GALNT13: variants seen among roughly 807,000 people sequenced by gnomAD.
The protein encoded by GALNT13 is polypeptide N-acetylgalactosaminyltransferase 13, also known as UDP-GalNAc:polypeptide N-acetylgalactosaminyltransferase 13.
Under a neutral mutation model 64.2 loss-of-function variants are expected in GALNT13, and 28 were observed. That is an observed-to-expected ratio of 0.44 (90% CI 0.32 to 0.60). GALNT13 has a LOEUF of 0.60. GALNT13 is among the 20% of genes least tolerant of loss of function. The pLI, the probability that GALNT13 is intolerant of heterozygous loss-of-function variation, is 0.05. For synonymous variants in GALNT13, 214 were observed against 224.6 expected, an observed-to-expected ratio of 0.95 and a Z score of 0.42; for missense variants, 577 against 669.8, an observed-to-expected ratio of 0.86 and a Z score of 1.53.
chr2:153,552,877 A>G, the GALNT13 span, among the ~76,000 whole-genome samples: 2 of 151,946 alleles, frequency 1.3e-5, no homozygotes, highest in Non-Finnish European at 2.9e-5. Flanking sequence ...ACAGTTCACA[A>G]CAGGGTTCCC....
intron 3 of GALNT13, among the ~76,000 whole-genome samples, chr2:154,052,814 G>A (rs921160164): frequency 1.4e-5 from 2 of 146,950 alleles, no homozygotes; most frequent in Non-Finnish European, 3.0e-5. Context: ...TTGGCTCACT[G>A]CAAGCTCCGC....
chr2:153,464,100 T>A, the GALNT13 span, among the ~76,000 whole-genome samples: 1 of 152,042 alleles, frequency 6.6e-6, no homozygotes, highest in Non-Finnish European at 1.5e-5. Context: ...TGAAGATCAA[T>A]CAGATCCCAT....
the GALNT13 span, among the ~76,000 whole-genome samples, chr2:153,095,671 A>C: frequency 1.3e-5 from 2 of 152,192 alleles, no homozygotes; most frequent in Non-Finnish European, 2.9e-5. Context: ...GATTAAGAAA[A>C]TGTGGCACAT....
At chr2:153,681,890 C>T in the GALNT13 span, among the ~76,000 whole-genome samples, 18,930 of 151,642 alleles carry the variant, frequency 0.12, 1,662 homozygotes, top group Admixed American at 0.3. Flanking sequence ...TACAGAAATA[C>T]GCACAAGAAA....
At chr2:153,801,528 A>G in the GALNT13 span, among the ~76,000 whole-genome samples, 2 of 152,260 alleles carry the variant, frequency 1.3e-5, no homozygotes, top group African/African-American at 4.8e-5. Context: ...AGAAGTCAGA[A>G]CACACACACA....
the GALNT13 span, among the ~76,000 whole-genome samples, chr2:153,305,184 G>A: frequency 6.7e-6 from 1 of 150,246 alleles, no homozygotes; most frequent in Middle Eastern, 3.2e-3. Context: ...GTGTCCTGTG[G>A]GTTTGCTGAC....
Position 154,092,075 on chromosome 2 carries a change from GAAAA to G in GALNT13, c.143-48239_143-48236del, listed in dbSNP as rs58406719. 4.7e-3 allele frequency among the ~76,000 whole-genome samples: 351 copies of G among 74,514 alleles called. 3 individuals are homozygous for G. The highest frequency in any genetic ancestry group is 0.017 in the African/African-American group (332 of 19,464). The allele number at this position is 74,514 out of a possible 152,430, so 48.9% of individuals were successfully genotyped here. ...AGAGGCATTTCATGCTTCATGTCTG[GAAAA>G]AAAAAAAAAAAAAAAAAAAAAAGCT... On this transcript the variant is annotated intron_variant, in intron 3 of 12. Coordinates refer to ENST00000392825, the MANE Select transcript of GALNT13 (RefSeq NM_052917.4).
At chr2:153,778,800 A>G in the GALNT13 span, among the ~76,000 whole-genome samples, 1 of 152,228 alleles carries the variant, frequency 6.6e-6, no homozygotes, top group Non-Finnish European at 1.5e-5. Flanking sequence ...TATATTGTGT[A>G]TTAGTAAAGC....
In GALNT13 at chr2:154,301,395, G is replaced by A. The variant is rs767817695; in HGVS notation, c.976-14G>A. 1.4e-5 allele frequency: 22 copies of A among 1,605,472 alleles called. 2 individuals carry two copies. The South Asian group carries it at 1.9e-4, about 14-fold the overall frequency. ...TATTATTGCATTATTTACAATGATT[G>A]TTCCTTTTCCCAGATTTGGCAATGT... On this transcript the variant is annotated splice_polypyrimidine_tract_variant and intron_variant, in intron 8 of 12. Transcript: ENST00000392825.
At chr2:154,212,916 C>T (rs968438667) in intron 4 of GALNT13, among the ~76,000 whole-genome samples, 11 of 151,356 alleles carry the variant, frequency 7.3e-5, no homozygotes, top group Non-Finnish European at 1.2e-4. Context: ...AGAATAGGAT[C>T]GATCTCAAAG....
the GALNT13 span, among the ~76,000 whole-genome samples, chr2:153,637,536 C>T: frequency 6.6e-6 from 1 of 152,052 alleles, no homozygotes; most frequent in Non-Finnish European, 1.5e-5. Context: ...TACTTCTTAT[C>T]AGGCTTGTTT....
chr2:154,166,918 A>G lies in GALNT13; in HGVS notation c.311+26413A>G, dbSNP rs559123337. Among the ~76,000 whole-genome samples the G allele has an allele frequency of 6.0e-5, 9 of 150,656 alleles. No individual in the cohort carries two copies. The East Asian group carries it at 1.8e-3, about 30-fold the overall frequency. The stretch of plus-strand genomic sequence containing the variant: ...CGCATGTTCTCACTCATAGGTGGGA[A>G]TTGAACAATGAGAACACATGGACAC... On this transcript the variant is annotated intron_variant, in intron 4 of 12. Coordinates refer to ENST00000392825, the MANE Select transcript of GALNT13 (RefSeq NM_052917.4).
At chr2:154,110,382 G>C (rs868356183) in intron 3 of GALNT13, among the ~76,000 whole-genome samples, 22 of 133,100 alleles carry the variant, frequency 1.7e-4, no homozygotes, top group African/African-American at 4.3e-4. Context: ...GAGAGACAGA[G>C]AGAGAGAGAG....
chr2:154,155,510 T>A (rs998910504), intron 4 of GALNT13, among the ~76,000 whole-genome samples: 1 of 152,044 alleles, frequency 6.6e-6, no homozygotes, highest in African/African-American at 2.4e-5. Context: ...CACATACCAG[T>A]TTCTTAAGGG....
At chr2:153,260,988 C>T in the GALNT13 span, among the ~76,000 whole-genome samples, 1 of 152,088 alleles carries the variant, frequency 6.6e-6, no homozygotes, top group Non-Finnish European at 1.5e-5. Context: ...TGTTAAGAGA[C>T]TCTGATGCAT....
the GALNT13 span, among the ~76,000 whole-genome samples, chr2:153,768,917 C>A: frequency 2.6e-5 from 4 of 152,064 alleles, no homozygotes; most frequent in African/African-American, 9.7e-5. Context: ...AGGATGGCTA[C>A]TCTGGCTCAT....
the GALNT13 span, among the ~76,000 whole-genome samples, chr2:153,479,562 G>A: frequency 2.0e-5 from 3 of 152,106 alleles, no homozygotes; most frequent in Admixed American, 6.5e-5. Context: ...TGGTAAAGGA[G>A]GTGAACAGAG....
intron 1 of GALNT13, among the ~76,000 whole-genome samples, chr2:153,878,295 C>A (rs571877494): frequency 6.6e-6 from 1 of 152,034 alleles, no homozygotes; most frequent in Non-Finnish European, 1.5e-5. Context: ...TAATTTCACC[C>A]AAGACTGATG....
At chr2:153,291,106 G>A in the GALNT13 span, among the ~76,000 whole-genome samples, 2 of 152,114 alleles carry the variant, frequency 1.3e-5, no homozygotes, top group African/African-American at 2.4e-5. Context: ...ATTTGACAGA[G>A]GTTTAAAGAT....
Sources: allele counts gnomAD v4.1 joint callset (sites outside exome capture counted in the v4.1 genomes callset), GRCh38; gene constraint gnomAD v4.1.1; transcripts MANE v1.5; gene names NCBI Gene and HGNC (gene_info 2026-07-23, HGNC 2026-07-21).